VTA1: variants seen among roughly 807,000 people sequenced by gnomAD.
VTA1 encodes vesicle trafficking 1, also known as vacuolar protein sorting-associated protein VTA1 homolog.
In VTA1, 24 loss-of-function variants were observed where a neutral mutation model predicts 36.9. That is an observed-to-expected ratio of 0.65 (90% CI 0.47 to 0.91). The LOEUF (loss-of-function observed/expected upper bound fraction) is 0.91. Ranked by LOEUF, VTA1 falls within the 40% of genes least tolerant of loss-of-function variation. VTA1 has a pLI of 0.00. For synonymous variants in VTA1, 142 were observed against 130.2 expected (o/e 1.09, Z -0.62); for missense variants, 393 against 377.2 (o/e 1.04, Z -0.35).
chr6:142,191,880 T>G (rs1203060654), intron 5 of VTA1, among the ~76,000 whole-genome samples: 1 of 152,104 alleles, frequency 6.6e-6, no homozygotes, highest in Non-Finnish European at 1.5e-5. Flanking sequence ...TATATTCTGT[T>G]GTGTTTTAGG....
chr6:142,156,154 T>C (rs2114631210), intron 1 of VTA1, among the ~76,000 whole-genome samples: 1 of 152,322 alleles, frequency 6.6e-6, no homozygotes, highest in East Asian at 1.9e-4. Flanking sequence ...TCAGGATGTC[T>C]GCCTCACAGT....
At chr6:142,211,072 A>G (rs1263671583) in intron 7 of VTA1, among the ~76,000 whole-genome samples, 1 of 152,220 alleles carries the variant, frequency 6.6e-6, no homozygotes, top group African/African-American at 2.4e-5. Flanking sequence ...AAGCACAGAA[A>G]GACACATATC....
rs559296504 is a variant in VTA1 at position 142,153,660 on chromosome 6, C to A, written c.112+6261C>A. On this transcript the variant is annotated intron_variant, in intron 1 of 7. Transcript: ENST00000367630. ...GAATGAATGTTGAAATAATGTATATCAAATTACTTTTGGCCGTCTATGGAA... is the reference window on the plus strand; with the variant it reads ...GAATGAATGTTGAAATAATGTATATAAAATTACTTTTGGCCGTCTATGGAA... Among the ~76,000 whole-genome samples the A allele has an allele frequency of 2.6e-5, 4 of 151,992 alleles. No individual in the cohort carries two copies. The East Asian group carries it at 7.7e-4, about 29-fold the overall frequency.
chr6:142,203,577 A>G (rs1775730552), intron 6 of VTA1, among the ~76,000 whole-genome samples: 1 of 152,136 alleles, frequency 6.6e-6, no homozygotes, highest in African/African-American at 2.4e-5. Flanking sequence ...TGTGTAAACT[A>G]GAAAATTACA....
At chr6:142,172,179 T>C (rs568084464) in intron 4 of VTA1, among the ~76,000 whole-genome samples, 27 of 152,078 alleles carry the variant, frequency 1.8e-4, no homozygotes, top group Admixed American at 3.9e-4. Flanking sequence ...CCTGGCTAAT[T>C]TTTTGTATTT....
chr6:142,161,526 AAATTC>A (rs1201962674), intron 1 of VTA1, among the ~76,000 whole-genome samples: 4 of 152,202 alleles, frequency 2.6e-5, no homozygotes, highest in African/African-American at 7.2e-5. Context: ...ACATTAAATT[AAATTC>A]AAGTTGGAAA....
At chr6:142,147,423 C>T (rs1163316775) in intron 1 of VTA1, 24 bp downstream of exon 1, 2 of 1,604,506 alleles carry the variant, frequency 1.2e-6, no homozygotes, top group Non-Finnish European at 1.7e-6. Context: ...AGTGGCCGCG[C>T]CCTTTCTTTC....
At chr6:142,148,510 C>A (rs1778503158) in intron 1 of VTA1, among the ~76,000 whole-genome samples, 1 of 152,120 alleles carries the variant, frequency 6.6e-6, no homozygotes, top group Non-Finnish European at 1.5e-5. Flanking sequence ...TTTCCTCAAG[C>A]AGGGTCCATA....
At position 142,184,833 on chromosome 6, in the gene VTA1, C is replaced by T. The variant is rs139894274; in HGVS notation, c.412-4593C>T. 2.3e-3 allele frequency among the ~76,000 whole-genome samples: 354 copies of T among 152,108 alleles called. 6 individuals carry two copies. The highest frequency in any genetic ancestry group is 0.014 in the Middle Eastern group (4 of 294). On this transcript the variant is annotated intron_variant, in intron 4 of 7. Coordinates refer to ENST00000367630, the MANE Select transcript of VTA1 (RefSeq NM_016485.5). ...AGTAAAATGTGACCTGCCTAAATTTCGAGGTTTTGATGAAGACCAAGTAGA... is the reference window on the plus strand; with the variant it reads ...AGTAAAATGTGACCTGCCTAAATTTTGAGGTTTTGATGAAGACCAAGTAGA...
At chr6:142,199,968 G>GC (rs1342037651) in intron 6 of VTA1, among the ~76,000 whole-genome samples, 1 of 152,020 alleles carries the variant, frequency 6.6e-6, no homozygotes, top group African/African-American at 2.4e-5. Flanking sequence ...AGATCTGTTT[G>GC]CCTTAGATGA....
intron 5 of VTA1, among the ~76,000 whole-genome samples, chr6:142,197,631 T>C (rs1775578523): frequency 1.3e-5 from 2 of 152,204 alleles, no homozygotes; most frequent in African/African-American, 4.8e-5. Context: ...ATTGAACAAC[T>C]CACAGATAAT....
intron 1 of VTA1, among the ~76,000 whole-genome samples, chr6:142,161,791 G>A (rs1214076683): frequency 1.3e-5 from 2 of 151,900 alleles, no homozygotes; most frequent in Admixed American, 1.3e-4. Flanking sequence ...TTTCATCCCT[G>A]TGGCAAAAAG....
At chr6:142,178,267 G>A (rs1775163037) in intron 4 of VTA1, among the ~76,000 whole-genome samples, 1 of 151,636 alleles carries the variant, frequency 6.6e-6, no homozygotes, top group Admixed American at 6.6e-5. Context: ...GGAGGCTGGA[G>A]GATAATAAAA....
chr6:142,199,064 T>G (rs1263996370), intron 6 of VTA1, among the ~76,000 whole-genome samples: 2 of 152,040 alleles, frequency 1.3e-5, no homozygotes, highest in African/African-American at 4.8e-5. Context: ...GTATTATTGA[T>G]GATGGGGAAT....
rs1207269647 is a variant in VTA1, at chr6:142,218,482, GTTCTTT to G, written c.779-10_779-5del. The G allele has an allele frequency of 6.8e-6, 11 of 1,610,716 alleles. No homozygotes were observed. The highest frequency in any genetic ancestry group is 9.3e-6 in the Non-Finnish European group (11 of 1,178,982). On this transcript the variant is annotated splice_polypyrimidine_tract_variant and intron_variant, in intron 7 of 7. Transcript: ENST00000367630. Reference sequence around the variant, plus strand: ...TTATATTCTTATAAATATCCCAATTGTTCTTTTTCTTCTAGGGGATGTTCGTCTAAC... The same window carrying G: ...TTATATTCTTATAAATATCCCAATTGTTCTTCTAGGGGATGTTCGTCTAAC...
intron 6 of VTA1, among the ~76,000 whole-genome samples, chr6:142,202,538 T>C (rs1775708548): frequency 6.6e-6 from 1 of 151,998 alleles, no homozygotes; most frequent in African/African-American, 2.4e-5. Flanking sequence ...CTGGAATTAT[T>C]GCTAGGACAC....
chr6:142,158,705 C>T (rs1392913249), intron 1 of VTA1, among the ~76,000 whole-genome samples: 1 of 152,074 alleles, frequency 6.6e-6, no homozygotes, highest in Non-Finnish European at 1.5e-5. Flanking sequence ...TTTCTTCTTT[C>T]TCCTTTTTCT....
intron 4 of VTA1, 146 bp downstream of exon 4, chr6:142,170,567 C>A: frequency 2.0e-6 from 1 of 507,440 alleles, no homozygotes; most frequent in Non-Finnish European, 3.4e-6. Flanking sequence ...TTTTTATTAG[C>A]CATTTTTAAA....
chr6:142,149,110 C>T (rs1325766074), intron 1 of VTA1, among the ~76,000 whole-genome samples: 2 of 152,202 alleles, frequency 1.3e-5, no homozygotes, highest in Non-Finnish European at 2.9e-5. Flanking sequence ...CTCACCATAT[C>T]ATTCCCTAAA....
Sources: gnomAD v4.1 joint callset for allele counts (sites outside exome capture counted in the v4.1 genomes callset) on GRCh38, gnomAD v4.1.1 for gene constraint, MANE v1.5 for transcripts, NCBI Gene and HGNC (gene_info 2026-07-23, HGNC 2026-07-21) for gene names.